HNRNPH1: variants seen among roughly 807,000 people sequenced by gnomAD.
The protein encoded by HNRNPH1 is heterogeneous nuclear ribonucleoprotein H.
HNRNPH1 carries 4 observed loss-of-function variants against 58.6 expected under a neutral mutation model. The observed-to-expected ratio is 0.07, with a 90% CI of 0.03 to 0.16. The LOEUF is 0.16. Ranked by LOEUF, HNRNPH1 falls within the 10% of genes least tolerant of loss-of-function variation. The pLI, the probability that HNRNPH1 is intolerant of heterozygous loss-of-function variation, is 1.00. For synonymous variants in HNRNPH1, 192 were observed against 189.2 expected (o/e 1.01, Z -0.12); for missense variants, 271 against 564.2 (o/e 0.48, Z 5.26).
chr5:179,631,486 C>T (rs1243182935), intron 2 of HNRNPH1, among the ~76,000 whole-genome samples: 1 of 152,062 alleles, frequency 6.6e-6, no homozygotes, highest in Non-Finnish European at 1.5e-5. Flanking sequence ...TGGCTCACAC[C>T]TGTAATCCTA....
At chr5:179,618,383 T>C (rs1336760413) in intron 4 of HNRNPH1, 60 bp from the exon 6 acceptor site, 31 of 1,166,616 alleles carry the variant, frequency 2.7e-5, no homozygotes, top group Non-Finnish European at 3.3e-5. Flanking sequence ...GTTCATTTTA[T>C]ACAGGTATTT....
intron 4 of HNRNPH1, chr5:179,618,609 A>G (rs1385198957): frequency 4.0e-6 from 1 of 252,144 alleles, no homozygotes; most frequent in East Asian, 8.0e-5. Context: ...TAGGAGGGAA[A>G]TAATTCCACT....
exon 5 of HNRNPH1, chr5:179,618,194 A>T (rs781689106): frequency 1.2e-5 from 19 of 1,614,042 alleles, no homozygotes; most frequent in Non-Finnish European, 1.6e-5. Context: ...CTCCTCTGCC[A>T]ATGCTGTTAT....
intron 12 of HNRNPH1, chr5:179,615,193 AG>A (rs1432590690): frequency 8.8e-6 from 4 of 453,746 alleles, no homozygotes; most frequent in Non-Finnish European, 1.6e-5. Flanking sequence ...CGGATTCTTC[AG>A]GATCAACATG....
chr5:179,621,020 T>C (rs1772061644), exon 3 of HNRNPH1: 13 of 1,613,882 alleles, frequency 8.1e-6, no homozygotes, highest in Non-Finnish European at 1.1e-5. Flanking sequence ...CATTTCAACG[T>C]TGTTTGACTT....
exon 5 of HNRNPH1, chr5:179,618,217 C>A: frequency 1.2e-6 from 2 of 1,614,190 alleles, no homozygotes; most frequent in Non-Finnish European, 1.7e-6. Flanking sequence ...CCTCTACCAG[C>A]CCCAGGTCTG....
chr5:179,621,874 T>A, intron 1 of HNRNPH1: 1 of 452,126 alleles, frequency 2.2e-6, no homozygotes, highest in Non-Finnish European at 4.4e-6. Context: ...CAAGCTAAAA[T>A]GCTCCAAGTT....
chr5:179,626,716 TA>T (rs568513306), upstream of HNRNPH1, among the ~76,000 whole-genome samples: 984 of 135,534 alleles, frequency 7.3e-3, 3 homozygotes, highest in African/African-American at 8.7e-3. Flanking sequence ...ACTCTGTCTT[TA>T]AAAAAAAAAA....
At position 179,630,741 on chromosome 5, in the gene HNRNPH1, C is replaced by G. The variant is rs1304820605; in HGVS notation, c.-32+3324G>C. On this transcript the variant is annotated intron_variant, in intron 2 of 4. Coordinates refer to the HNRNPH1 transcript ENST00000521116. ...CCTGGTCAACATGGTGAAACCCCGT[C>G]TCTACTAAAAGTACAAAAAATCAGC... 1.4e-4 allele frequency among the ~76,000 whole-genome samples: 22 copies of G among 152,066 alleles called. 1 individual carries two copies. The highest frequency in any genetic ancestry group is 1.4e-3 in the Admixed American group (22 of 15,268).
chr5:179,618,159 C>A, exon 5 of HNRNPH1: 1 of 1,613,902 alleles, frequency 6.2e-7, no homozygotes, highest in Non-Finnish European at 8.5e-7. Context: ...ACCATAAGCA[C>A]CACGCCTCAT....
At chr5:179,622,196 G>A (rs1262624831) in intron 1 of HNRNPH1, among the ~76,000 whole-genome samples, 1 of 151,980 alleles carries the variant, frequency 6.6e-6, no homozygotes, top group African/African-American at 2.4e-5. Flanking sequence ...AACTAGATAA[G>A]AAAACACTCT....
upstream of HNRNPH1, chr5:179,629,052 C>T (rs866687835): frequency 6.7e-6 from 1 of 150,280 alleles, no homozygotes; most frequent in Non-Finnish European, 1.5e-5. Context: ...AATCCCAGCA[C>T]TTTGGGAGGC....
Position 179,623,008 on chromosome 5 carries a change from C to T in HNRNPH1, c.97+29G>A, listed in dbSNP as rs767403312. The T allele has an allele frequency of 4.3e-6, 5 of 1,153,816 alleles. No homozygotes were observed. In the East Asian group the frequency reaches 2.2e-4, roughly 50 times the overall value. 71.5% of individuals were successfully genotyped at this position (1,153,816 alleles called of 1,614,324 possible). A position where few individuals can be genotyped will look rare whatever the true frequency, so the allele number is the denominator to read the frequency against. On this transcript the variant is annotated intron_variant, in intron 1 of 12. Coordinates refer to ENST00000356731, the Ensembl canonical transcript of HNRNPH1. The stretch of plus-strand genomic sequence containing the variant: ...AGCCCGCCCGCCCCGGCCTCGAACT[C>T]GAACTCCCGCGTCCTAGTTCTAACT...
At chr5:179,617,303 A>G (rs1308288558) in intron 8 of HNRNPH1, 193 bp from the exon 10 acceptor site, 2 of 729,198 alleles carry the variant, frequency 2.7e-6, no homozygotes, top group African/African-American at 3.6e-5. Flanking sequence ...ATTGTCAATT[A>G]AGGATATACA....
chr5:179,616,072 A>C, intron 11 of HNRNPH1, 54 bp downstream of exon 12: 1 of 1,429,420 alleles, frequency 7.0e-7, no homozygotes, highest in Non-Finnish European at 9.9e-7. Context: ...TAAGTACAGT[A>C]ATGAACAGGC....
chr5:179,619,643 A>T (rs1020159781), intron 3 of HNRNPH1: 2 of 310,740 alleles, frequency 6.4e-6, no homozygotes, highest in Non-Finnish European at 1.2e-5. Context: ...CTTGCTGAAC[A>T]CAGGATGCAT....
chr5:179,623,018 C>G lies in HNRNPH1; in HGVS notation c.97+19G>C, dbSNP rs1340237762. ...CCCCGGCCTCGAACTCGAACTCCCG[C>G]GTCCTAGTTCTAACTCACCAGAAAA... On this transcript the variant is annotated intron_variant, in intron 1 of 12. Transcript: ENST00000356731. The G allele has an allele frequency of 3.8e-6, 5 of 1,317,162 alleles. No homozygotes were observed. Among genetic ancestry groups the G allele is most frequent in the Non-Finnish European group, 5.0e-6 (5 of 993,234 alleles). 81.6% of individuals were successfully genotyped at this position (1,317,162 alleles called of 1,614,324 possible).
intron 1 of HNRNPH1, chr5:179,622,771 C>G (rs914869830): frequency 1.3e-5 from 2 of 152,184 alleles, no homozygotes; most frequent in African/African-American, 4.8e-5. Flanking sequence ...GTAAAGAAAA[C>G]AAAGTCTGCC....
At chr5:179,627,779 G>A (rs984032395), upstream of HNRNPH1, among the ~76,000 whole-genome samples, 5 of 151,536 alleles carry the variant, frequency 3.3e-5, no homozygotes, top group South Asian at 2.1e-4. Context: ...AAAATTAGCC[G>A]GGCATGGTGG....
Sources: gnomAD v4.1 joint callset for allele counts (sites outside exome capture counted in the v4.1 genomes callset) on GRCh38, gnomAD v4.1.1 for gene constraint, MANE v1.5 for transcripts, NCBI Gene and HGNC (gene_info 2026-07-23, HGNC 2026-07-21) for gene names.